Variants in POLK observed in about 807,000 individuals in gnomAD.
The protein encoded by POLK is polymerase (DNA directed) kappa.
A neutral mutation model predicts 94.0 loss-of-function variants in POLK; 76 were observed. That is an observed-to-expected ratio of 0.81 (90% CI 0.67 to 0.98). POLK has a LOEUF of 0.98. Ranked by LOEUF, POLK falls within the 50% of genes least tolerant of loss-of-function variation. The probability of loss-of-function intolerance (pLI) is 0.00; values close to 1 mark genes in which losing one functional copy is unlikely to be tolerated. For synonymous variants in POLK, 349 were observed against 325.4 expected (o/e 1.07, Z -0.78); for missense variants, 954 against 1,010.1 (o/e 0.94, Z 0.75).
chr5:75,521,597 G>A (rs1768588956), intron 1 of POLK, among the ~76,000 whole-genome samples: 1 of 152,082 alleles, frequency 6.6e-6, no homozygotes, highest in African/African-American at 2.4e-5. Context: ...TTAGTCACTG[G>A]TTCCTTGCTT....
At chr5:75,592,018 C>T (rs1772814302) in intron 11 of POLK, among the ~76,000 whole-genome samples, 7 of 152,182 alleles carry the variant, frequency 4.6e-5, no homozygotes, top group Admixed American at 4.6e-4. Context: ...TCTAACTACC[C>T]TCAGATGAGA....
At chr5:75,607,922 G>A in the POLK span, among the ~76,000 whole-genome samples, 1 of 152,142 alleles carries the variant, frequency 6.6e-6, no homozygotes, top group Non-Finnish European at 1.5e-5. Context: ...TGGGAGTCTA[G>A]GGAGAAATCG....
chr5:75,522,511 C>T (rs1405572303), intron 1 of POLK, among the ~76,000 whole-genome samples: 1 of 152,112 alleles, frequency 6.6e-6, no homozygotes, highest in Non-Finnish European at 1.5e-5. Flanking sequence ...TTAATAAAAG[C>T]CACTAAAAAG....
At chr5:75,528,781 A>G (rs2112563290) in intron 1 of POLK, among the ~76,000 whole-genome samples, 1 of 152,352 alleles carries the variant, frequency 6.6e-6, no homozygotes, top group East Asian at 1.9e-4. Flanking sequence ...GCCGCACTCC[A>G]ACCTGGGTGA....
At chr5:75,549,715 T>A (rs1204794104) in intron 2 of POLK, among the ~76,000 whole-genome samples, 1 of 152,044 alleles carries the variant, frequency 6.6e-6, no homozygotes, top group African/African-American at 2.4e-5. Flanking sequence ...TTAAAACTCT[T>A]ATCAGAAAAT....
At chr5:75,538,331 G>A (rs543578566) in intron 1 of POLK, among the ~76,000 whole-genome samples, 2 of 152,204 alleles carry the variant, frequency 1.3e-5, no homozygotes, top group South Asian at 4.1e-4. Flanking sequence ...TTACCAGTAA[G>A]TCTGGACTGC....
At chr5:75,553,461 A>G (rs964542133) in intron 3 of POLK, among the ~76,000 whole-genome samples, 1 of 152,172 alleles carries the variant, frequency 6.6e-6, no homozygotes, top group Non-Finnish European at 1.5e-5. Context: ...CAAACTATAC[A>G]ATGTGTGATT....
intron 1 of POLK, among the ~76,000 whole-genome samples, chr5:75,536,239 T>C (rs1461671579): frequency 6.6e-6 from 1 of 152,196 alleles, no homozygotes; most frequent in East Asian, 1.9e-4. Context: ...GATTACTTTC[T>C]CTGTGCCTAC....
In POLK at chr5:75,511,874, G is replaced by T. The variant is rs1768032189; in HGVS notation, c.-54G>T. 6 of 1,507,826 alleles carry T rather than the reference G, an allele frequency of 4.0e-6. No homozygotes were observed. In the East Asian group the frequency reaches 1.5e-4, roughly 38 times the overall value. The allele number at this position is 1,507,826 out of a possible 1,614,324, so 93.4% of individuals were successfully genotyped here. ...GGAAGGGCGTTGGTCCGTCGCTCGCGCAGCCTCCTGGGAGTTGTAGTCGCG... is the reference window on the plus strand; with the variant it reads ...GGAAGGGCGTTGGTCCGTCGCTCGCTCAGCCTCCTGGGAGTTGTAGTCGCG... On this transcript the variant is annotated 5_prime_UTR_variant, in exon 1 of 15. Transcript: ENST00000241436.
intron 4 of POLK, among the ~76,000 whole-genome samples, chr5:75,572,153 A>G (rs1771630511): frequency 6.6e-6 from 1 of 152,232 alleles, no homozygotes; most frequent in South Asian, 2.1e-4. Context: ...TTGTTTTATA[A>G]ATAGTACTGT....
chr5:75,560,928 G>C (rs904162637), intron 3 of POLK, among the ~76,000 whole-genome samples: 1 of 152,152 alleles, frequency 6.6e-6, no homozygotes, highest in African/African-American at 2.4e-5. Context: ...ATGGGCATTT[G>C]GGTTGGTTCC....
chr5:75,511,140 G>A (rs758233272), upstream of POLK: 79 of 1,605,810 alleles, frequency 4.9e-5, no homozygotes, highest in Non-Finnish European at 6.5e-5. Flanking sequence ...GCGCTCCACA[G>A]GCGGCCCAGA....
At chr5:75,539,024 A>G (rs1287980483) in intron 1 of POLK, among the ~76,000 whole-genome samples, 1 of 152,146 alleles carries the variant, frequency 6.6e-6, no homozygotes, top group Non-Finnish European at 1.5e-5. Flanking sequence ...CACCCGCCTC[A>G]GCTTCCCAAA....
chr5:75,581,350 T>A, exon 7 of POLK: 2 of 1,613,888 alleles, frequency 1.2e-6, no homozygotes, highest in Non-Finnish European at 1.7e-6. Flanking sequence ...AATCCTCAAA[T>A]ACTCCAAAAC....
chr5:75,531,638 CAA>C (rs769801414), intron 1 of POLK, among the ~76,000 whole-genome samples: 6 of 151,842 alleles, frequency 4.0e-5, no homozygotes, highest in Non-Finnish European at 5.9e-5. Context: ...ACTAAAAATA[CAA>C]AAATTAGCCA....
chr5:75,551,627 T>G (rs1051763937), intron 2 of POLK, among the ~76,000 whole-genome samples: 1 of 152,128 alleles, frequency 6.6e-6, no homozygotes, highest in Non-Finnish European at 1.5e-5. Context: ...ATATTATTAG[T>G]CATCAGGGAA....
intron 4 of POLK, among the ~76,000 whole-genome samples, chr5:75,570,613 T>C (rs1771539573): frequency 6.6e-6 from 1 of 152,254 alleles, no homozygotes; most frequent in African/African-American, 2.4e-5. Context: ...TTAGAACTTT[T>C]GCTTTTCTGA....
chr5:75,541,616 G>A (rs1302130965), intron 1 of POLK, among the ~76,000 whole-genome samples: 1 of 148,422 alleles, frequency 6.7e-6, no homozygotes, highest in East Asian at 2.0e-4. Flanking sequence ...TTGAGTTTTA[G>A]TGTATATACT....
downstream of POLK, among the ~76,000 whole-genome samples, chr5:75,601,941 A>G (rs912133907): frequency 6.6e-6 from 1 of 152,132 alleles, no homozygotes; most frequent in Non-Finnish European, 1.5e-5. Context: ...CCAGTTTTCC[A>G]GTCTGTGGTA....
Sources: allele counts gnomAD v4.1 joint callset (sites outside exome capture counted in the v4.1 genomes callset), GRCh38; gene constraint gnomAD v4.1.1; transcripts MANE v1.5; gene names NCBI Gene and HGNC (gene_info 2026-07-23, HGNC 2026-07-21).